KLHL29: variants seen among roughly 807,000 people sequenced by gnomAD.
The protein encoded by KLHL29 is kelch like family member 29, also known as kelch-like protein 29.
KLHL29 carries 21 observed loss-of-function variants against 80.4 expected under a neutral mutation model. The observed-to-expected ratio is 0.26, with a 90% CI of 0.19 to 0.38. The LOEUF (loss-of-function observed/expected upper bound fraction) is 0.38, where lower values mean the gene tolerates loss of function less well. Among genes scored for constraint, KLHL29 ranks in the 10% least tolerant of loss-of-function variants. The probability of loss-of-function intolerance (pLI) is 1.00; values close to 1 mark genes in which losing one functional copy is unlikely to be tolerated. For missense variants in KLHL29, 867 were observed against 1,223.9 expected (o/e 0.71, Z 4.35); for synonymous variants, 511 against 526.8 (o/e 0.97, Z 0.41).
chr2:23,532,104 A>G (rs573761053), intron 2 of KLHL29, among the ~76,000 whole-genome samples: 1 of 152,196 alleles, frequency 6.6e-6, no homozygotes, highest in East Asian at 1.9e-4. Context: ...ACGACCCCCC[A>G]CAGACCAGAA....
At chr2:23,615,162 C>A (rs1415654243) in intron 3 of KLHL29, among the ~76,000 whole-genome samples, 1 of 152,240 alleles carries the variant, frequency 6.6e-6, no homozygotes, top group African/African-American at 2.4e-5. Context: ...CTGCGATGAG[C>A]CAGGCCTTCT....
chr2:23,507,174 A>G (rs755730308), intron 2 of KLHL29: 2 of 387,902 alleles, frequency 5.2e-6, no homozygotes, highest in African/African-American at 2.1e-5. Context: ...CGTGCATGCC[A>G]TCATAGCCTT....
At chr2:23,490,066 C>T (rs561580654) in intron 2 of KLHL29, among the ~76,000 whole-genome samples, 6 of 152,340 alleles carry the variant, frequency 3.9e-5, no homozygotes, top group African/African-American at 9.6e-5. Context: ...TTCATGAGTG[C>T]GCACTGGGGG....
chr2:23,683,443 C>G (rs1192035688), intron 5 of KLHL29, among the ~76,000 whole-genome samples: 1 of 152,132 alleles, frequency 6.6e-6, no homozygotes, highest in African/African-American at 2.4e-5. Flanking sequence ...CAACTGAAGG[C>G]CCTAACTTTT....
At chr2:23,512,240 G>A (rs1665794157) in intron 2 of KLHL29, among the ~76,000 whole-genome samples, 1 of 152,164 alleles carries the variant, frequency 6.6e-6, no homozygotes, top group Admixed American at 6.5e-5. Flanking sequence ...GAGGTCGGGA[G>A]TTCAAGACCA....
At chr2:23,690,866 T>C (rs1671550784) in intron 6 of KLHL29, 1 of 152,334 alleles carries the variant, frequency 6.6e-6, no homozygotes, top group Non-Finnish European at 1.5e-5. Flanking sequence ...TATATATTTG[T>C]GTCCCTCCCC....
intron 5 of KLHL29, among the ~76,000 whole-genome samples, chr2:23,673,909 ACACT>A (rs770205184): frequency 3.3e-5 from 5 of 152,160 alleles, no homozygotes; most frequent in Non-Finnish European, 5.9e-5. Flanking sequence ...GCATGCACAC[ACACT>A]CACAACCATG....
intron 1 of KLHL29, among the ~76,000 whole-genome samples, chr2:23,441,829 G>C (rs1419489850): frequency 2.0e-5 from 3 of 152,138 alleles, no homozygotes; most frequent in Non-Finnish European, 4.4e-5. Flanking sequence ...GATACTAAAA[G>C]TTCTAAGAGA....
At chr2:23,533,413 G>C (rs1432003558) in intron 2 of KLHL29, among the ~76,000 whole-genome samples, 1 of 152,168 alleles carries the variant, frequency 6.6e-6, no homozygotes, top group African/African-American at 2.4e-5. Context: ...GTCCTGTGGA[G>C]ACTTGTAGCT....
intron 1 of KLHL29, among the ~76,000 whole-genome samples, chr2:23,390,809 G>A (rs1196708521): frequency 1.3e-5 from 2 of 151,630 alleles, no homozygotes; most frequent in African/African-American, 4.8e-5. Flanking sequence ...CTGCCACCAC[G>A]CCCAGCAAAT....
At chr2:23,529,803 C>A (rs1212215900) in intron 2 of KLHL29, among the ~76,000 whole-genome samples, 1 of 152,218 alleles carries the variant, frequency 6.6e-6, no homozygotes, top group Non-Finnish European at 1.5e-5. Flanking sequence ...GCCACCCGTC[C>A]TGAGACAGCC....
intron 1 of KLHL29, among the ~76,000 whole-genome samples, chr2:23,389,114 T>C (rs1666257021): frequency 6.6e-6 from 1 of 152,162 alleles, no homozygotes; most frequent in South Asian, 2.1e-4. Context: ...CTGGGGTCTT[T>C]TCTAGTAGTG....
At chr2:23,456,151 C>G (rs374528952) in intron 1 of KLHL29, among the ~76,000 whole-genome samples, 5 of 152,180 alleles carry the variant, frequency 3.3e-5, no homozygotes, top group African/African-American at 1.2e-4. Flanking sequence ...TATGGCAGCC[C>G]TAGCAAATTA....
chr2:23,556,702 G>A (rs1289465066), intron 2 of KLHL29, among the ~76,000 whole-genome samples: 7 of 150,338 alleles, frequency 4.7e-5, no homozygotes, highest in Non-Finnish European at 4.4e-5. Flanking sequence ...CTCCCCTCCC[G>A]TCTCCTGGCC....
chr2:23,692,797 T>C (rs938194936), intron 7 of KLHL29, among the ~76,000 whole-genome samples: 8 of 151,194 alleles, frequency 5.3e-5, no homozygotes, highest in Admixed American at 1.3e-4. Flanking sequence ...GCGAGCCAGA[T>C]TGAGTGGGGC....
chr2:23,444,079 C>A (rs1009217041), intron 1 of KLHL29, among the ~76,000 whole-genome samples: 1 of 152,126 alleles, frequency 6.6e-6, no homozygotes, highest in African/African-American at 2.4e-5. Flanking sequence ...CAATATGCCC[C>A]AGACAAATTG....
At chr2:23,436,057 C>A (rs1268162823) in intron 1 of KLHL29, among the ~76,000 whole-genome samples, 1 of 152,116 alleles carries the variant, frequency 6.6e-6, no homozygotes, top group Non-Finnish European at 1.5e-5. Context: ...ATCTCCAACT[C>A]CTCTTAAAGT....
intron 3 of KLHL29, among the ~76,000 whole-genome samples, chr2:23,612,749 A>T (rs778444190): frequency 1.3e-4 from 20 of 152,210 alleles, no homozygotes; most frequent in Admixed American, 4.6e-4. Context: ...CTCAAAAAAG[A>T]AAAGAAAAGG....
At chr2:23,666,454 G>A (rs1670556071) in intron 5 of KLHL29, among the ~76,000 whole-genome samples, 1 of 152,124 alleles carries the variant, frequency 6.6e-6, no homozygotes. Context: ...TGGGAAGAGA[G>A]CAGTTCCTCT....
Sources: allele counts gnomAD v4.1 joint callset (sites outside exome capture counted in the v4.1 genomes callset), GRCh38; gene constraint gnomAD v4.1.1; transcripts MANE v1.5; gene names NCBI Gene and HGNC (gene_info 2026-07-23, HGNC 2026-07-21).